ZNF610: variants seen among roughly 807,000 people sequenced by gnomAD.
ZNF610 encodes the protein zink finger protein.
Under a neutral mutation model 14.1 loss-of-function variants are expected in ZNF610, and 14 were observed. The observed-to-expected ratio is 0.99, with a 90% CI of 0.65 to 1.55. The LOEUF (loss-of-function observed/expected upper bound fraction) is 1.55, where lower values mean the gene tolerates loss of function less well. Among genes scored for constraint, ZNF610 ranks in the 40% most tolerant of loss-of-function variants. The probability of loss-of-function intolerance (pLI) is 0.00; values close to 1 mark genes in which losing one functional copy is unlikely to be tolerated. For synonymous variants in ZNF610, 185 were observed against 187.6 expected (o/e 0.99, Z 0.11); for missense variants, 530 against 558.0 (o/e 0.95, Z 0.51).
chr19:52,351,925 T>A (rs1985273583), intron 3 of ZNF610, among the ~76,000 whole-genome samples: 1 of 151,332 alleles, frequency 6.6e-6, no homozygotes. Context: ...ATTTTCCCAC[T>A]GGGCTCCCAG....
upstream of ZNF610, among the ~76,000 whole-genome samples, chr19:52,335,260 A>G (rs574231734): frequency 6.6e-6 from 1 of 152,256 alleles, no homozygotes; most frequent in Admixed American, 6.5e-5. Flanking sequence ...AGCCTGGGTG[A>G]CAGAGCGAGA....
rs889668148 is a variant in ZNF610, at chr19:52,336,332, C to A, written c.-432C>A. Reference sequence around the variant, plus strand: ...TAGATTCAATCTGGGCTTCCCAGCTCCCCCGCGCTTCTGTACCCGGGATCT... The same window carrying A: ...TAGATTCAATCTGGGCTTCCCAGCTACCCCGCGCTTCTGTACCCGGGATCT... On this transcript the variant is annotated 5_prime_UTR_variant, in exon 1 of 6. Coordinates refer to ENST00000403906, the MANE Select transcript of ZNF610 (RefSeq NM_001161425.2). 8 of 287,508 alleles carry A rather than the reference C, an allele frequency of 2.8e-5. No individual in the cohort carries two copies. The highest frequency in any genetic ancestry group is 5.6e-5 in the Admixed American group (1 of 17,722). The allele number at this position is 287,508 out of a possible 1,614,324, so 17.8% of individuals were successfully genotyped here.
intron 5 of ZNF610, among the ~76,000 whole-genome samples, chr19:52,356,136 G>T (rs1985512194): frequency 6.6e-6 from 1 of 152,186 alleles, no homozygotes; most frequent in African/African-American, 2.4e-5. Context: ...TCTGTGTCAG[G>T]AACCGGGGAA....
chr19:52,359,406 A>T (rs751380589), intron 5 of ZNF610, among the ~76,000 whole-genome samples: 1 of 152,182 alleles, frequency 6.6e-6, no homozygotes, highest in Non-Finnish European at 1.5e-5. Context: ...GATTCCACAA[A>T]ATTGCAGATC....
chr19:52,349,065 G>A (rs1020805530), intron 2 of ZNF610, 89 bp from the exon 3 acceptor site: 7 of 890,360 alleles, frequency 7.9e-6, no homozygotes, highest in Non-Finnish European at 1.2e-5. Context: ...TCTTTCCGCA[G>A]GATTAGGTCT....
At chr19:52,365,383 C>A (rs746526613) in intron 5 of ZNF610, among the ~76,000 whole-genome samples, 1 of 152,152 alleles carries the variant, frequency 6.6e-6, no homozygotes, top group African/African-American at 2.4e-5. Flanking sequence ...AATGTCTATA[C>A]AACTGCTCTT....
At chr19:52,339,082 C>T (rs1984538688) in intron 1 of ZNF610, among the ~76,000 whole-genome samples, 3 of 151,952 alleles carry the variant, frequency 2.0e-5, no homozygotes, top group Admixed American at 2.0e-4. Flanking sequence ...CGTGCTGTGC[C>T]TTGATGTGCA....
intron 1 of ZNF610, among the ~76,000 whole-genome samples, chr19:52,339,864 G>T (rs1984589544): frequency 6.6e-6 from 1 of 152,144 alleles, no homozygotes; most frequent in African/African-American, 2.4e-5. Context: ...TCTCCATGTT[G>T]GTCAGGCTGG....
chr19:52,351,311 C>T (rs60323875), intron 3 of ZNF610, among the ~76,000 whole-genome samples: 1,696 of 151,932 alleles, frequency 0.011, 24 homozygotes, highest in African/African-American at 0.034. Context: ...ACAAAATTAG[C>T]CTGGTGTGGT....
At chr19:52,363,844 C>T (rs763660248) in intron 5 of ZNF610, among the ~76,000 whole-genome samples, 1 of 152,172 alleles carries the variant, frequency 6.6e-6, no homozygotes, top group Non-Finnish European at 1.5e-5. Context: ...TTCACATACT[C>T]ATAGAGAAGG....
intron 5 of ZNF610, among the ~76,000 whole-genome samples, chr19:52,363,264 G>A (rs542441325): frequency 6.6e-6 from 1 of 152,086 alleles, no homozygotes; most frequent in Admixed American, 6.5e-5. Context: ...TGAGTAGCTA[G>A]GATTACTAGA....
upstream of ZNF610, among the ~76,000 whole-genome samples, chr19:52,335,110 C>G (rs909220278): frequency 6.6e-6 from 1 of 151,112 alleles, no homozygotes; most frequent in Non-Finnish European, 1.5e-5. Context: ...TCGAGACCAT[C>G]CTGGCTAACA....
chr19:52,361,873 T>G (rs929824313), intron 5 of ZNF610, among the ~76,000 whole-genome samples: 3 of 151,964 alleles, frequency 2.0e-5, no homozygotes, highest in African/African-American at 4.8e-5. Context: ...TTTAGTTTGG[T>G]TTTTTTTATA....
At chr19:52,335,559 C>A (rs910729619), upstream of ZNF610, among the ~76,000 whole-genome samples, 1 of 152,108 alleles carries the variant, frequency 6.6e-6, no homozygotes, top group Admixed American at 6.5e-5. Flanking sequence ...GCAGACCCAC[C>A]TCAATTTGGG....
At chr19:52,356,926 T>C (rs928289178) in intron 5 of ZNF610, among the ~76,000 whole-genome samples, 1 of 152,204 alleles carries the variant, frequency 6.6e-6, no homozygotes, top group African/African-American at 2.4e-5. Context: ...TGAGTTTTAC[T>C]TCCACCAATA....
rs577551219 is a variant in ZNF610, at chr19:52,337,308, C to CG, written c.-258+809dup. Among the ~76,000 whole-genome samples the CG allele has an allele frequency of 2.1e-4, 31 of 149,438 alleles. No individual in the cohort carries two copies. The South Asian group carries it at 2.6e-3, about 12-fold the overall frequency. On this transcript the variant is annotated intron_variant, in intron 1 of 5. Transcript: ENST00000403906. ...CCACAGCATGGGGAGGCCTGGGATC[C>CG]GGGGGGGCCAGAGAGTGGGGACAAG...
intron 1 of ZNF610, among the ~76,000 whole-genome samples, chr19:52,340,448 TA>T (rs1984632429): frequency 6.6e-6 from 1 of 152,024 alleles, no homozygotes; most frequent in African/African-American, 2.4e-5. Context: ...TTGAGTGTAG[TA>T]AAAACAGTTA....
intron 5 of ZNF610, among the ~76,000 whole-genome samples, chr19:52,355,100 C>A (rs1248584056): frequency 6.6e-6 from 1 of 152,216 alleles, no homozygotes; most frequent in Non-Finnish European, 1.5e-5. Context: ...AGCACCCTGT[C>A]ATGTGGCTTC....
intron 1 of ZNF610, among the ~76,000 whole-genome samples, chr19:52,340,229 A>G (rs1016398418): frequency 1.3e-5 from 2 of 152,052 alleles, no homozygotes; most frequent in South Asian, 2.1e-4. Context: ...GGTGAAAAAT[A>G]AAAAATTAGC....
Sources: allele counts gnomAD v4.1 joint callset (sites outside exome capture counted in the v4.1 genomes callset), GRCh38; gene constraint gnomAD v4.1.1; transcripts MANE v1.5; gene names NCBI Gene and HGNC (gene_info 2026-07-23, HGNC 2026-07-21).